The following ARHGAP32 variants were observed in gnomAD, a reference collection of about 807,000 sequenced individuals.
The protein encoded by ARHGAP32 is Rho GTPase activating protein 32.
ARHGAP32 carries 51 observed loss-of-function variants against 186.5 expected under a neutral mutation model. The ratio of observed to expected loss-of-function variants is 0.27; its 90% CI spans 0.22 to 0.35. ARHGAP32 has a LOEUF of 0.35. Ranked by LOEUF, ARHGAP32 falls within the 10% of genes least tolerant of loss-of-function variation. The probability of loss-of-function intolerance (pLI) is 1.00; values close to 1 mark genes in which losing one functional copy is unlikely to be tolerated. For synonymous variants in ARHGAP32, 950 were observed against 964.3 expected, an observed-to-expected ratio of 0.99 and a Z score of 0.27; for missense variants, 2,186 against 2,623.5, an observed-to-expected ratio of 0.83 and a Z score of 3.64.
Position 128,969,043 on chromosome 11 carries a change from C to T in ARHGAP32, c.6170G>A (p.Gly2057Asp), listed in dbSNP as rs759183879. ...AGGGGGCACATACGTCCCCATGCCG[C>T]CCCCTCCAAAGACTCCTCGCTGGTG... Reference protein sequence around the residue: ...PQHQRGVFGGGGMGTYVPPGF... With the variant: ...PQHQRGVFGGDGMGTYVPPGF... The change falls in exon 23 of 23, where the codon GGC becomes GAC. Residue 2057 changes from glycine (G) to aspartate (D), a missense_variant. This residue lies in a region of ARHGAP32 where 1,502 missense variants were observed against 1,570.0 expected (regional missense o/e 0.96). Transcript: ENST00000682385. This position sits in a 1 kb window ranked among gnomAD's most constrained non-coding sequence, Gnocchi z 4.8. 1.9e-6 allele frequency: 3 copies of T among 1,612,282 alleles called. No homozygotes were observed. The highest frequency in any genetic ancestry group is 2.5e-6 in the Non-Finnish European group (3 of 1,178,744).
chr11:129,046,687 T>C (rs1939820787), intron 10 of ARHGAP32, among the ~76,000 whole-genome samples: 1 of 152,186 alleles, frequency 6.6e-6, no homozygotes, highest in Non-Finnish European at 1.5e-5. Flanking sequence ...GAGAAGAAAC[T>C]ACTGCAATAA....
chr11:129,070,018 C>T lies in ARHGAP32; in HGVS notation c.532-3150G>A, dbSNP rs1274662056. Among the ~76,000 whole-genome samples, 3 of 151,840 alleles carry T rather than the reference C, an allele frequency of 2.0e-5. No homozygotes were observed. In the East Asian group the frequency reaches 5.8e-4, roughly 29 times the overall value. On this transcript the variant is annotated intron_variant, in intron 6 of 22. Transcript: ENST00000682385. Reference sequence around the variant, plus strand: ...TGGAATATCATTTTCCCTTGTCTTACATAATAGATTTCTAGAGCTACATAA... The same window carrying T: ...TGGAATATCATTTTCCCTTGTCTTATATAATAGATTTCTAGAGCTACATAA...
intron 2 of ARHGAP32, among the ~76,000 whole-genome samples, chr11:129,151,105 A>G (rs1443363848): frequency 6.6e-6 from 1 of 152,142 alleles, no homozygotes; most frequent in African/African-American, 2.4e-5. Context: ...AACAGACTTT[A>G]AAGCAAAAAC....
chr11:129,005,093 ATTT>A (rs965053704), intron 11 of ARHGAP32, among the ~76,000 whole-genome samples: 1 of 152,098 alleles, frequency 6.6e-6, no homozygotes, highest in African/African-American at 2.4e-5. Flanking sequence ...CCTTATACTC[ATTT>A]TTAAGCTGGT....
intron 10 of ARHGAP32, among the ~76,000 whole-genome samples, chr11:129,042,535 A>T (rs1019099485): frequency 1.3e-5 from 2 of 152,182 alleles, no homozygotes; most frequent in African/African-American, 4.8e-5. Flanking sequence ...GAGTCAACTT[A>T]AAAAAATCTT....
At chr11:129,244,374 C>T (rs936273722) in intron 1 of ARHGAP32, among the ~76,000 whole-genome samples, 1 of 152,162 alleles carries the variant, frequency 6.6e-6, no homozygotes, top group Non-Finnish European at 1.5e-5. Context: ...TTTCTTTAGA[C>T]TCTAAAAATT....
chr11:129,205,181 T>C (rs2511818), intron 1 of ARHGAP32, among the ~76,000 whole-genome samples: 97,727 of 151,966 alleles, frequency 0.64, 31,855 homozygotes, highest in Non-Finnish European at 0.71. Context: ...TAGAACCAGA[T>C]ATCAATATTA....
At chr11:129,267,788 CA>C (rs1284154536) in intron 1 of ARHGAP32, among the ~76,000 whole-genome samples, 1 of 152,164 alleles carries the variant, frequency 6.6e-6, no homozygotes, top group Non-Finnish European at 1.5e-5. Context: ...GAAGGTTAGG[CA>C]TCTGGTGAAA....
At chr11:129,119,583 T>C (rs1247785798) in intron 5 of ARHGAP32, among the ~76,000 whole-genome samples, 1 of 152,084 alleles carries the variant, frequency 6.6e-6, no homozygotes, top group Admixed American at 6.6e-5. Context: ...ATCACTGTTC[T>C]AGATGTTGAG....
intron 1 of ARHGAP32, among the ~76,000 whole-genome samples, chr11:129,169,209 G>C (rs1367037808): frequency 1.3e-5 from 2 of 151,886 alleles, no homozygotes; most frequent in Non-Finnish European, 2.9e-5. Context: ...AAAGCCAAAG[G>C]TTGATTCTTT....
intron 5 of ARHGAP32, among the ~76,000 whole-genome samples, chr11:129,117,852 AAG>A (rs1408649301): frequency 4.0e-5 from 6 of 151,832 alleles, no homozygotes; most frequent in African/African-American, 1.5e-4. Context: ...TGCGTGTTAC[AAG>A]AGATTCCCCC....
At chr11:129,059,496 A>AC (rs34259127) in intron 10 of ARHGAP32, among the ~76,000 whole-genome samples, 1 of 115,636 alleles carries the variant, frequency 8.6e-6, no homozygotes, top group East Asian at 2.5e-4. Context: ...CTGATTTGCA[A>AC]TTTTTTTTTT....
At chr11:129,010,124 T>G (rs1246329397) in intron 11 of ARHGAP32, among the ~76,000 whole-genome samples, 1 of 152,232 alleles carries the variant, frequency 6.6e-6, no homozygotes, top group Non-Finnish European at 1.5e-5. Context: ...GTTCATATCC[T>G]TTGCCCACTT....
chr11:129,180,985 T>C (rs1381079991), intron 1 of ARHGAP32, among the ~76,000 whole-genome samples: 9 of 152,152 alleles, frequency 5.9e-5, no homozygotes, highest in Middle Eastern at 3.2e-3. Flanking sequence ...CTTGACAATG[T>C]TGAAGTTCCA....
chr11:129,156,619 T>C (rs1158620969), intron 2 of ARHGAP32, among the ~76,000 whole-genome samples: 1 of 152,094 alleles, frequency 6.6e-6, no homozygotes, highest in Non-Finnish European at 1.5e-5. Flanking sequence ...TGGGACAGAG[T>C]ACCTGTGAGA....
At chr11:129,232,233 T>G (rs1016574186) in intron 1 of ARHGAP32, among the ~76,000 whole-genome samples, 7 of 152,102 alleles carry the variant, frequency 4.6e-5, no homozygotes, top group African/African-American at 1.7e-4. Flanking sequence ...TACGTATCAG[T>G]TAGACAGATA....
In ARHGAP32 at chr11:128,967,128, C is replaced by G. The variant is rs1197713697; in HGVS notation, c.*1779G>C. The G allele has an allele frequency of 6.6e-6, 1 of 152,158 alleles. No homozygotes were observed. The highest frequency in any genetic ancestry group is 1.5e-5 in the Non-Finnish European group (1 of 68,040). 9.4% of individuals were successfully genotyped at this position (152,158 alleles called of 1,614,324 possible). On this transcript the variant is annotated 3_prime_UTR_variant, in exon 23 of 23. Coordinates refer to ENST00000682385, the MANE Select transcript of ARHGAP32 (RefSeq NM_001378024.1). ...CAAAAGAAAACCTTATAGAATATTT[C>G]CACATATCAATGTGTTGTTCTTGAA...
intron 1 of ARHGAP32, among the ~76,000 whole-genome samples, chr11:129,198,141 A>C (rs1273906100): frequency 6.6e-6 from 1 of 152,228 alleles, no homozygotes; most frequent in African/African-American, 2.4e-5. Flanking sequence ...CTAACTTTCA[A>C]CTGTTCATAG....
intron 13 of ARHGAP32, among the ~76,000 whole-genome samples, chr11:128,987,053 T>C (rs945623506): frequency 5.3e-5 from 8 of 152,148 alleles, no homozygotes; most frequent in Non-Finnish European, 1.2e-4. Flanking sequence ...CTATGAACAA[T>C]TATGAGCAGA....
Sources: gnomAD v4.1 joint callset for allele counts (sites outside exome capture counted in the v4.1 genomes callset) on GRCh38, gnomAD v4.1.1 for gene constraint, gnomAD v4.1.1 regional missense constraint, Gnocchi (gnomAD v3.1) non-coding constraint, MANE v1.5 for transcripts, NCBI Gene and HGNC (gene_info 2026-07-23, HGNC 2026-07-21) for gene names.